NOX4: variants seen among roughly 807,000 people sequenced by gnomAD.
NOX4 encodes NADPH oxidase 4.
Under a neutral mutation model 87.6 loss-of-function variants are expected in NOX4, and 69 were observed. That is an observed-to-expected ratio of 0.79 (90% CI 0.65 to 0.96). NOX4 has a LOEUF of 0.96. Among genes scored for constraint, NOX4 ranks in the 40% least tolerant of loss-of-function variants. NOX4 has a pLI of 0.00. For missense variants in NOX4, 680 were observed against 681.5 expected (o/e 1.00, Z 0.02); for synonymous variants, 275 against 238.2 (o/e 1.15, Z -1.42).
chr11:89,473,671 T>A (rs1946045223), intron 2 of NOX4, among the ~76,000 whole-genome samples: 1 of 152,150 alleles, frequency 6.6e-6, no homozygotes, highest in Admixed American at 6.6e-5. Flanking sequence ...TCCTATTTCT[T>A]ATTAACTTTT....
the NOX4 span, among the ~76,000 whole-genome samples, chr11:89,587,507 A>G: frequency 1.5e-3 from 230 of 152,148 alleles, 1 homozygote; most frequent in Middle Eastern, 3.4e-3. Flanking sequence ...GATGAACGCA[A>G]TCAGAGGGGA....
chr11:89,498,010 C>G (rs563004112), exon 1 of NOX4: 1 of 152,286 alleles, frequency 6.6e-6, no homozygotes, highest in South Asian at 2.1e-4. Context: ...GAGATGCTTA[C>G]TTAGTCTCCA....
chr11:89,585,289 C>T, the NOX4 span, among the ~76,000 whole-genome samples: 1 of 152,128 alleles, frequency 6.6e-6, no homozygotes, highest in Admixed American at 6.6e-5. Flanking sequence ...CTCCTGCTTC[C>T]TTTCTTACCT....
the NOX4 span, among the ~76,000 whole-genome samples, chr11:89,588,415 G>T: frequency 4.6e-5 from 7 of 152,226 alleles, no homozygotes; most frequent in African/African-American, 1.4e-4. Context: ...GACTGAAATT[G>T]TTTCCTATTC....
the NOX4 span, among the ~76,000 whole-genome samples, chr11:89,560,181 G>T: frequency 2.0e-5 from 3 of 152,184 alleles, no homozygotes; most frequent in African/African-American, 4.8e-5. Context: ...CAGGGAGAAT[G>T]CCATGTGATG....
intron 15 of NOX4, among the ~76,000 whole-genome samples, chr11:89,338,100 C>T (rs188146140): frequency 2.6e-5 from 4 of 151,310 alleles, no homozygotes; most frequent in African/African-American, 2.5e-5. Flanking sequence ...TTCCCCCTCC[C>T]CGAAGGCTTT....
chr11:89,558,288 C>T, the NOX4 span, among the ~76,000 whole-genome samples: 5 of 152,130 alleles, frequency 3.3e-5, no homozygotes, highest in East Asian at 7.7e-4. Flanking sequence ...GTACTGTTAC[C>T]CCAATTTAAG....
intron 7 of NOX4, among the ~76,000 whole-genome samples, chr11:89,423,067 G>T (rs1230682511): frequency 6.6e-6 from 1 of 151,968 alleles, no homozygotes; most frequent in Non-Finnish European, 1.5e-5. Context: ...CAAAGTGCTG[G>T]GATTACAGGT....
At chr11:89,558,725 G>A in the NOX4 span, among the ~76,000 whole-genome samples, 104 of 152,068 alleles carry the variant, frequency 6.8e-4, no homozygotes, top group African/African-American at 2.3e-3. Flanking sequence ...ATGGTAAGTC[G>A]GTAACTATGC....
chr11:89,513,880 TTTAAAAATAA>T, the NOX4 span, among the ~76,000 whole-genome samples: 1 of 152,042 alleles, frequency 6.6e-6, no homozygotes, highest in Admixed American at 6.6e-5. Flanking sequence ...TAATATCATT[TTTAAAAATAA>T]TATTTATGGG....
intron 12 of NOX4, among the ~76,000 whole-genome samples, chr11:89,360,634 TG>T (rs1245062413): frequency 1.3e-5 from 2 of 152,100 alleles, no homozygotes; most frequent in Non-Finnish European, 2.9e-5. Context: ...ATGAGTTCAG[TG>T]ATCTTTAAGC....
chr11:89,396,733 T>C (rs1941519524), intron 11 of NOX4, among the ~76,000 whole-genome samples: 1 of 152,198 alleles, frequency 6.6e-6, no homozygotes, highest in Non-Finnish European at 1.5e-5. Context: ...GGCCATTACA[T>C]AATGGTAAAG....
At chr11:89,572,024 C>A in the NOX4 span, among the ~76,000 whole-genome samples, 1 of 152,182 alleles carries the variant, frequency 6.6e-6, no homozygotes, top group Non-Finnish European at 1.5e-5. Flanking sequence ...CAAAAGAATA[C>A]AGTCTTTTGC....
intron 8 of NOX4, among the ~76,000 whole-genome samples, chr11:89,408,177 C>A (rs895805785): frequency 6.6e-5 from 10 of 152,084 alleles, no homozygotes; most frequent in African/African-American, 2.2e-4. Flanking sequence ...TATCCTGCTC[C>A]ACTGCTATTT....
intron 8 of NOX4, 50 bp downstream of exon 8, chr11:89,421,851 AC>A: frequency 1.8e-6 from 2 of 1,088,758 alleles, no homozygotes; most frequent in Non-Finnish European, 2.7e-6. Flanking sequence ...TTCTTTCATT[AC>A]CCCATTTTGG....
At chr11:89,516,635 T>A in the NOX4 span, among the ~76,000 whole-genome samples, 1 of 152,126 alleles carries the variant, frequency 6.6e-6, no homozygotes, top group East Asian at 1.9e-4. Flanking sequence ...CTGCATTTCT[T>A]ACTAGGATCC....
chr11:89,367,955 T>A (rs1939133274), intron 12 of NOX4, among the ~76,000 whole-genome samples: 1 of 152,028 alleles, frequency 6.6e-6, no homozygotes, highest in South Asian at 2.1e-4. Flanking sequence ...GTTCTATATA[T>A]CTCTAACACT....
At chr11:89,529,341 C>T in the NOX4 span, among the ~76,000 whole-genome samples, 2 of 152,186 alleles carry the variant, frequency 1.3e-5, no homozygotes, top group South Asian at 4.1e-4. Flanking sequence ...TAAATGTGTT[C>T]AATTTATAAT....
the NOX4 span, among the ~76,000 whole-genome samples, chr11:89,513,756 G>A: frequency 8.5e-5 from 13 of 152,096 alleles, no homozygotes; most frequent in East Asian, 1.7e-3. Context: ...TTTTATAGAG[G>A]AGAATACAAG....
Sources: gnomAD v4.1 joint callset for allele counts (sites outside exome capture counted in the v4.1 genomes callset) on GRCh38, gnomAD v4.1.1 for gene constraint, MANE v1.5 for transcripts, NCBI Gene and HGNC (gene_info 2026-07-23, HGNC 2026-07-21) for gene names.